The following KCNIP4 variants were observed in gnomAD, a reference collection of about 807,000 sequenced individuals.
The protein encoded by KCNIP4 is Kv channel-interacting protein 4.
A neutral mutation model predicts 34.0 loss-of-function variants in KCNIP4; 12 were observed. That is an observed-to-expected ratio of 0.35 (90% CI 0.23 to 0.57). The LOEUF is 0.57. Among genes scored for constraint, KCNIP4 ranks in the 20% least tolerant of loss-of-function variants. The pLI, the probability that KCNIP4 is intolerant of heterozygous loss-of-function variation, is 0.83. For synonymous variants in KCNIP4, 124 were observed against 102.2 expected, an observed-to-expected ratio of 1.21 and a Z score of -1.29; for missense variants, 238 against 311.7, an observed-to-expected ratio of 0.76 and a Z score of 1.78.
At chr4:20,975,363 CA>C (rs1200905516) in intron 1 of KCNIP4, among the ~76,000 whole-genome samples, 4 of 152,044 alleles carry the variant, frequency 2.6e-5, no homozygotes. Flanking sequence ...TAAGAGTTTG[CA>C]AACTCAATAA....
chr4:20,915,733 C>G (rs1728749011), intron 1 of KCNIP4, among the ~76,000 whole-genome samples: 1 of 152,026 alleles, frequency 6.6e-6, no homozygotes, highest in Non-Finnish European at 1.5e-5. Flanking sequence ...AGTATTTGAT[C>G]TACTAGTCAG....
chr4:21,512,076 A>G (rs200584113), intron 1 of KCNIP4, among the ~76,000 whole-genome samples: 106 of 127,808 alleles, frequency 8.3e-4, no homozygotes, highest in Non-Finnish European at 1.5e-3. Context: ...AAGGAAGGAA[A>G]GAAGGAAGGA....
intron 1 of KCNIP4, among the ~76,000 whole-genome samples, chr4:20,937,443 C>G (rs566431708): frequency 2.0e-5 from 3 of 151,244 alleles, no homozygotes; most frequent in Admixed American, 1.3e-4. Flanking sequence ...ACCATGTTAG[C>G]CAGGATGGTC....
At chr4:21,289,435 C>T (rs1174872265) in intron 1 of KCNIP4, among the ~76,000 whole-genome samples, 2 of 152,124 alleles carry the variant, frequency 1.3e-5, no homozygotes, top group Non-Finnish European at 2.9e-5. Context: ...TATCCCATAG[C>T]ATAGAGCCCC....
At chr4:20,765,843 T>C (rs1320977596) in intron 3 of KCNIP4, among the ~76,000 whole-genome samples, 1 of 152,196 alleles carries the variant, frequency 6.6e-6, no homozygotes, top group Non-Finnish European at 1.5e-5. Flanking sequence ...TTTGGGGCCT[T>C]ACTGCTGTGT....
At chr4:21,587,982 A>G (rs1425076644) in intron 1 of KCNIP4, among the ~76,000 whole-genome samples, 1 of 152,004 alleles carries the variant, frequency 6.6e-6, no homozygotes, top group African/African-American at 2.4e-5. Context: ...AACTAATAAA[A>G]TGTTCCCTTT....
intron 1 of KCNIP4, among the ~76,000 whole-genome samples, chr4:21,156,692 T>G (rs576407700): frequency 6.6e-6 from 1 of 152,122 alleles, no homozygotes; most frequent in Non-Finnish European, 1.5e-5. Context: ...GCATTTGAAA[T>G]ATTCAATTTC....
intron 3 of KCNIP4, among the ~76,000 whole-genome samples, chr4:20,759,397 A>G (rs1754758621): frequency 6.6e-6 from 1 of 152,190 alleles, no homozygotes; most frequent in Non-Finnish European, 1.5e-5. Flanking sequence ...GGCATACCCA[A>G]GACATGGTTT....
chr4:21,290,982 A>C (rs751777222), intron 1 of KCNIP4, among the ~76,000 whole-genome samples: 3 of 152,178 alleles, frequency 2.0e-5, no homozygotes, highest in Non-Finnish European at 4.4e-5. Flanking sequence ...GATTTTATAG[A>C]AGAAGTAGAG....
intron 1 of KCNIP4, among the ~76,000 whole-genome samples, chr4:21,370,848 T>TATATACACACAC (rs1720341331): frequency 9.3e-5 from 2 of 21,440 alleles, no homozygotes; most frequent in Non-Finnish European, 1.3e-4. Context: ...TATATATATA[T>TATATACACACAC]ATACACACAC....
intron 1 of KCNIP4, among the ~76,000 whole-genome samples, chr4:21,455,808 C>CATATATATAT (rs1171436191): frequency 1.4e-5 from 1 of 71,906 alleles, no homozygotes; most frequent in East Asian, 5.3e-4. Flanking sequence ...TACAGATATT[C>CATATATATAT]ATATATATAT....
At chr4:21,560,554 T>A (rs188624782) in intron 1 of KCNIP4, among the ~76,000 whole-genome samples, 175 of 152,218 alleles carry the variant, frequency 1.1e-3, no homozygotes, top group Admixed American at 2.0e-3. Flanking sequence ...TTTATTTATG[T>A]TAAGCAACTT....
At chr4:21,003,685 T>C (rs930242412) in intron 1 of KCNIP4, among the ~76,000 whole-genome samples, 1 of 152,224 alleles carries the variant, frequency 6.6e-6, no homozygotes, top group Non-Finnish European at 1.5e-5. Flanking sequence ...GGTTGGAATG[T>C]ATCTTACTGC....
At chr4:21,682,887 T>C (rs1750486596) in intron 1 of KCNIP4, among the ~76,000 whole-genome samples, 1 of 152,180 alleles carries the variant, frequency 6.6e-6, no homozygotes, top group South Asian at 2.1e-4. Context: ...CTTACGATAG[T>C]AACCTCAAAG....
At chr4:21,303,983 C>T (rs1712053540) in intron 1 of KCNIP4, 1 of 1,386,786 alleles carries the variant, frequency 7.2e-7, no homozygotes, top group Non-Finnish European at 9.6e-7. Context: ...AGCCATTAAA[C>T]TACATTAAGA....
intron 1 of KCNIP4, among the ~76,000 whole-genome samples, chr4:21,784,414 TAACACTAGAAAAAAA>T (rs1357718116): frequency 6.8e-6 from 1 of 147,032 alleles, no homozygotes; most frequent in Non-Finnish European, 1.5e-5. Context: ...AAAATATTCT[TAACACTAGAAAAAAA>T]AACATTTTTT....
At chr4:21,706,008 A>C (rs993932789) in intron 1 of KCNIP4, among the ~76,000 whole-genome samples, 9 of 152,176 alleles carry the variant, frequency 5.9e-5, no homozygotes, top group Admixed American at 5.9e-4. Flanking sequence ...GTATGCAGGG[A>C]AAATAAAGTT....
At chr4:20,736,836 C>G (rs898251376) in intron 5 of KCNIP4, among the ~76,000 whole-genome samples, 4 of 152,088 alleles carry the variant, frequency 2.6e-5, no homozygotes, top group African/African-American at 9.7e-5. Context: ...GCAAGGGACC[C>G]TGAATAGCCC....
At chr4:21,688,773 A>G (rs1006069805) in intron 1 of KCNIP4, among the ~76,000 whole-genome samples, 1 of 151,972 alleles carries the variant, frequency 6.6e-6, no homozygotes, top group African/African-American at 2.4e-5. Flanking sequence ...TTAGCTTTTT[A>G]GCAAAACTTC....
Sources: allele counts gnomAD v4.1 joint callset (sites outside exome capture counted in the v4.1 genomes callset), GRCh38; gene constraint gnomAD v4.1.1; transcripts MANE v1.5; gene names NCBI Gene and HGNC (gene_info 2026-07-23, HGNC 2026-07-21).